The following EIPR1 variants were observed in gnomAD, a reference collection of about 807,000 sequenced individuals.
EIPR1 encodes the protein EARP complex and GARP complex interacting protein 1.
EIPR1 carries 25 observed loss-of-function variants against 48.1 expected under a neutral mutation model. That is an observed-to-expected ratio of 0.52 (90% CI 0.38 to 0.73). EIPR1 has a LOEUF of 0.73. Ranked by LOEUF, EIPR1 falls within the 30% of genes least tolerant of loss-of-function variation. EIPR1 has a pLI of 0.00. For missense variants in EIPR1, 415 were observed against 506.2 expected (o/e 0.82, Z 1.73); for synonymous variants, 204 against 201.9 (o/e 1.01, Z -0.09).
rs111161862 is a variant in EIPR1, at chr2:3,315,320, C to G, written c.259+22697G>C. Among the ~76,000 whole-genome samples, 7 of 954 alleles carry G rather than the reference C, an allele frequency of 7.3e-3. 3 individuals carry two copies. Among genetic ancestry groups the G allele is most frequent in the African/African-American group, 0.026 (7 of 274 alleles). 0.6% of individuals were successfully genotyped at this position (954 alleles called of 152,430 possible). On this transcript the variant is annotated intron_variant, in intron 3 of 8. Coordinates refer to ENST00000382125, the MANE Select transcript of EIPR1 (RefSeq NM_003310.5). ...ATCCTCACCACCATCCCCATACACA[C>G]CCCCTACCACCACCATCACCACCAT...
At chr2:3,346,258 G>A (rs189966466) in intron 2 of EIPR1, among the ~76,000 whole-genome samples, 7 of 152,366 alleles carry the variant, frequency 4.6e-5, no homozygotes, top group East Asian at 1.9e-4. Flanking sequence ...CCCAATGCTC[G>A]TTGATATGGA....
intron 3 of EIPR1, among the ~76,000 whole-genome samples, chr2:3,292,084 T>C (rs1668380268): frequency 6.6e-6 from 1 of 152,246 alleles, no homozygotes; most frequent in Admixed American, 6.5e-5. Flanking sequence ...GTTGAAGAGT[T>C]TTCCATTCTG....
intron 3 of EIPR1, among the ~76,000 whole-genome samples, chr2:3,304,475 T>C (rs1436579321): frequency 6.5e-5 from 5 of 77,132 alleles, no homozygotes; most frequent in South Asian, 6.3e-4. Context: ...TCCACTCCCG[T>C]CCAGTTCAGC....
intron 3 of EIPR1, among the ~76,000 whole-genome samples, chr2:3,330,163 C>T (rs1441023786): frequency 6.6e-6 from 1 of 152,182 alleles, no homozygotes; most frequent in African/African-American, 2.4e-5. Flanking sequence ...CTATAGAAAC[C>T]CACAAAGTGC....
chr2:3,362,420 A>T (rs1457644985), intron 1 of EIPR1, among the ~76,000 whole-genome samples: 1 of 151,692 alleles, frequency 6.6e-6, no homozygotes, highest in Non-Finnish European at 1.5e-5. Context: ...CTTAAATTAC[A>T]TTTTAACAAC....
chr2:3,208,324 G>A, intron 5 of EIPR1: 1 of 760,584 alleles, frequency 1.3e-6, no homozygotes, highest in African/African-American at 1.8e-5. Context: ...GGTCTGGGCA[G>A]GCAGGAGCCA....
At chr2:3,324,258 C>T (rs945666900) in intron 3 of EIPR1, among the ~76,000 whole-genome samples, 1 of 152,286 alleles carries the variant, frequency 6.6e-6, no homozygotes, top group Non-Finnish European at 1.5e-5. Context: ...AGGACCCACC[C>T]GAGACAGCTC....
chr2:3,365,925 G>GC (rs1204548657), intron 1 of EIPR1, among the ~76,000 whole-genome samples: 1 of 123,464 alleles, frequency 8.1e-6, no homozygotes, highest in Non-Finnish European at 1.9e-5. Flanking sequence ...GGGGGAGTCA[G>GC]CCCCCCGCCC....
intron 4 of EIPR1, among the ~76,000 whole-genome samples, chr2:3,234,252 G>A (rs1001196495): frequency 4.6e-5 from 7 of 152,238 alleles, no homozygotes; most frequent in African/African-American, 1.7e-4. Context: ...GTCGCTCAAT[G>A]TCACTGGCTG....
At chr2:3,219,809 C>T (rs1484483270) in intron 4 of EIPR1, among the ~76,000 whole-genome samples, 6 of 152,076 alleles carry the variant, frequency 3.9e-5, no homozygotes, top group East Asian at 3.9e-4. Context: ...GGCTCTGGTA[C>T]ACTCTAGAGC....
At chr2:3,318,843 A>C in intron 3 of EIPR1, 1 of 470,772 alleles carries the variant, frequency 2.1e-6, no homozygotes, top group Non-Finnish European at 4.4e-6. Context: ...TTACATAAAC[A>C]CCTTTGAGCT....
At chr2:3,318,224 C>T (rs769078142) in intron 3 of EIPR1, among the ~76,000 whole-genome samples, 1 of 152,206 alleles carries the variant, frequency 6.6e-6, no homozygotes, top group Non-Finnish European at 1.5e-5. Flanking sequence ...GAGAAGCTGG[C>T]CCCGGTTCTT....
rs777791892 is a variant in EIPR1, at chr2:3,257,432, A to T, written c.283T>A (p.Cys95Ser). 10 of 1,614,210 alleles carry T rather than the reference A, an allele frequency of 6.2e-6. No homozygotes were observed. The highest frequency in any genetic ancestry group is 7.6e-6 in the Non-Finnish European group (9 of 1,180,038). Residue 95 changes from cysteine to serine, a missense_variant, in exon 4 of 9, where the codon TGT (cysteine) becomes AGT (serine). Physicochemically the swap from Cys to Ser is moderately radical, Grantham distance 112. Coordinates refer to ENST00000382125, the MANE Select transcript of EIPR1 (RefSeq NM_003310.5). ...TTCGGCATCCTCCACACGGCTGCACATGTCAGGACTTTGCTGTCTGAAGCT... is the reference window on the plus strand; with the variant it reads ...TTCGGCATCCTCCACACGGCTGCACTTGTCAGGACTTTGCTGTCTGAAGCT... ...NRTSDSKVLT[C>S]AAVWRMPKEL...
intron 4 of EIPR1, among the ~76,000 whole-genome samples, chr2:3,251,005 GA>G (rs1666986545): frequency 6.6e-6 from 1 of 151,952 alleles, no homozygotes; most frequent in Non-Finnish European, 1.5e-5. Context: ...CAGACTAACA[GA>G]GGCAGCTAAC....
At chr2:3,320,083 C>T (rs149466357) in intron 3 of EIPR1, 53 of 182,802 alleles carry the variant, frequency 2.9e-4, no homozygotes, top group Non-Finnish European at 3.9e-4. Flanking sequence ...CACCTGCGGG[C>T]AACACCGCAC....
At chr2:3,363,328 T>A (rs1019962023) in intron 1 of EIPR1, among the ~76,000 whole-genome samples, 16 of 152,304 alleles carry the variant, frequency 1.1e-4, no homozygotes, top group Admixed American at 6.5e-4. Flanking sequence ...ACATGATGGC[T>A]GAAAATTGTA....
At chr2:3,353,394 C>G (rs535387042) in intron 2 of EIPR1, 1 of 444,900 alleles carries the variant, frequency 2.2e-6, no homozygotes, top group African/African-American at 2.0e-5. Flanking sequence ...ACAATTTTAA[C>G]ATCCCACCAA....
intron 1 of EIPR1, among the ~76,000 whole-genome samples, chr2:3,366,371 A>C (rs1379022084): frequency 6.6e-6 from 1 of 152,218 alleles, no homozygotes; most frequent in Non-Finnish European, 1.5e-5. Flanking sequence ...AGATATGGCA[A>C]GACAACCCAA....
At chr2:3,256,181 C>A (rs1667149117) in intron 4 of EIPR1, among the ~76,000 whole-genome samples, 1 of 152,252 alleles carries the variant, frequency 6.6e-6, no homozygotes, top group South Asian at 2.1e-4. Flanking sequence ...GAGCCACAGA[C>A]TGCCTGACCC....
Sources: allele counts gnomAD v4.1 joint callset (sites outside exome capture counted in the v4.1 genomes callset), GRCh38; gene constraint gnomAD v4.1.1; transcripts MANE v1.5; gene names NCBI Gene and HGNC (gene_info 2026-07-23, HGNC 2026-07-21).